The following TFDP2 variants were observed in gnomAD, a reference collection of about 807,000 sequenced individuals.
TFDP2 encodes the protein transcription factor Dp-2 (E2F dimerization partner 2).
In TFDP2, 17 loss-of-function variants were observed where a neutral mutation model predicts 59.3. The observed-to-expected ratio is 0.29, with a 90% CI of 0.20 to 0.43. The LOEUF (loss-of-function observed/expected upper bound fraction) is 0.43. Among genes scored for constraint, TFDP2 ranks in the 20% least tolerant of loss-of-function variants. TFDP2 has a pLI of 1.00. For synonymous variants in TFDP2, 180 were observed against 194.7 expected, an observed-to-expected ratio of 0.92 and a Z score of 0.63; for missense variants, 391 against 528.8, an observed-to-expected ratio of 0.74 and a Z score of 2.56.
chr3:142,060,574 T>G (rs1435397312), intron 3 of TFDP2, among the ~76,000 whole-genome samples: 1 of 152,136 alleles, frequency 6.6e-6, no homozygotes, highest in Non-Finnish European at 1.5e-5. Context: ...TTAGCAGCAT[T>G]CTGTATTTAT....
At chr3:142,010,677 C>T (rs531027217) in intron 3 of TFDP2, among the ~76,000 whole-genome samples, 135 of 149,734 alleles carry the variant, frequency 9.0e-4, no homozygotes, top group African/African-American at 2.9e-3. Context: ...AGAAAATTTT[C>T]GCAACCTACT....
Position 141,966,470 on chromosome 3 carries a change from CA to C in TFDP2, c.733-2508del, listed in dbSNP as rs574304894. 3.1e-3 allele frequency among the ~76,000 whole-genome samples: 468 copies of C among 151,884 alleles called. 21 individuals carry two copies. The highest frequency in any genetic ancestry group is 0.011 in the African/African-American group (455 of 41,254). On this transcript the variant is annotated intron_variant, in intron 9 of 12. Transcript: ENST00000489671. ...ACAGACATGAGCCACTGCACCTGGT[CA>C]TAATAATGTTTTTTTTAACACTGTC...
intron 3 of TFDP2, among the ~76,000 whole-genome samples, chr3:142,079,375 T>C (rs1380288045): frequency 6.6e-6 from 1 of 151,982 alleles, no homozygotes; most frequent in Non-Finnish European, 1.5e-5. Context: ...GAAGCACACC[T>C]ACAAGATCTA....
Position 142,131,362 on chromosome 3 carries a change from C to CAAGACAATTTT in TFDP2, c.-93+17810_-93+17820dup, listed in dbSNP as rs1305065021. ...AGAAACTAAGAAATCCACAATCATACAAGACAATTTTAATACACACCTCTC... is the reference window on the plus strand; with the variant it reads ...AGAAACTAAGAAATCCACAATCATACAAGACAATTTTAAGACAATTTTAATACACACCTCTC... On this transcript the variant is annotated intron_variant, in intron 1 of 12. Transcript: ENST00000489671. 1.3e-4 allele frequency among the ~76,000 whole-genome samples: 20 copies of CAAGACAATTTT among 149,972 alleles called. 2 individuals carry two copies. Among genetic ancestry groups the CAAGACAATTTT allele is most frequent in the African/African-American group, 4.8e-4 (19 of 39,560 alleles).
intron 11 of TFDP2, among the ~76,000 whole-genome samples, chr3:141,959,383 C>T (rs1937080477): frequency 6.6e-6 from 1 of 152,126 alleles, no homozygotes; most frequent in Admixed American, 6.6e-5. Flanking sequence ...AGGCTCTAAG[C>T]TAGGTACTGG....
At chr3:141,967,130 T>C (rs542525046) in intron 9 of TFDP2, among the ~76,000 whole-genome samples, 2 of 151,768 alleles carry the variant, frequency 1.3e-5, no homozygotes, top group Non-Finnish European at 2.9e-5. Context: ...TTTGTCAGGC[T>C]GGTCTCAAAC....
At position 141,945,815 on chromosome 3, in the gene TFDP2, G is replaced by A. The variant is rs1347656354; in HGVS notation, c.*6698C>T. ...AAGGGATGAGTTTTTAAATCCAAAC[G>A]TGATCTGGGGAATTTTCCGTTATGA... On this transcript the variant is annotated 3_prime_UTR_variant, in exon 13 of 13. Coordinates refer to ENST00000489671, the MANE Select transcript of TFDP2 (RefSeq NM_001178139.2). 4 of 152,234 alleles carry A rather than the reference G, an allele frequency of 2.6e-5. No homozygotes were observed. The highest frequency in any genetic ancestry group is 6.5e-5 in the Admixed American group (1 of 15,282). The allele number at this position is 152,234 out of a possible 1,614,324, so 9.4% of individuals were successfully genotyped here. A position where few individuals can be genotyped will look rare whatever the true frequency, so the allele number is the denominator to read the frequency against.
chr3:141,961,970 C>T (rs11569268), intron 10 of TFDP2, among the ~76,000 whole-genome samples: 1,701 of 151,972 alleles, frequency 0.011, 25 homozygotes, highest in African/African-American at 0.032. Context: ...TTGGGGGGGA[C>T]GGAGTTTTGC....
chr3:142,042,831 C>T (rs1258208021), intron 3 of TFDP2, among the ~76,000 whole-genome samples: 2 of 148,104 alleles, frequency 1.4e-5, no homozygotes, highest in Non-Finnish European at 3.0e-5. Context: ...CCTCTGCCTC[C>T]CGGGTTCAAG....
At chr3:141,969,464 C>T (rs1456485411) in intron 9 of TFDP2, among the ~76,000 whole-genome samples, 2 of 150,958 alleles carry the variant, frequency 1.3e-5, no homozygotes, top group Admixed American at 1.3e-4. Context: ...TACGAAAAAA[C>T]TAGCCAGGCA....
Position 141,982,191 on chromosome 3 carries a change from C to T in TFDP2, c.357-3509G>A, listed in dbSNP as rs11569219. ...AGTGATTTTTATATTTAATTACACA[C>T]TGAAATACAATATTTTGGATATATT... On this transcript the variant is annotated intron_variant, in intron 6 of 12. Coordinates refer to ENST00000489671, the MANE Select transcript of TFDP2 (RefSeq NM_001178139.2). 9.3e-4 allele frequency among the ~76,000 whole-genome samples: 141 copies of T among 152,012 alleles called. 3 individuals are homozygous for T. In the South Asian group the frequency reaches 0.029, roughly 31 times the overall value.
At chr3:142,135,241 G>A (rs773141997) in intron 1 of TFDP2, among the ~76,000 whole-genome samples, 2 of 152,028 alleles carry the variant, frequency 1.3e-5, no homozygotes, top group Non-Finnish European at 2.9e-5. Context: ...AAGTAGCTGG[G>A]ACTATAGGCT....
intron 1 of TFDP2, chr3:142,126,112 C>T (rs1226504757): frequency 6.6e-6 from 1 of 151,938 alleles, no homozygotes; most frequent in East Asian, 1.9e-4. Flanking sequence ...ACACCAAATC[C>T]ACTAAATCTG....
At chr3:142,107,692 T>A (rs916918532) in intron 1 of TFDP2, among the ~76,000 whole-genome samples, 2 of 152,046 alleles carry the variant, frequency 1.3e-5, no homozygotes, top group East Asian at 3.9e-4. Flanking sequence ...GACAAAACAG[T>A]TTTAGAGAGT....
chr3:141,985,211 A>G (rs907116220), intron 6 of TFDP2, among the ~76,000 whole-genome samples: 8 of 152,150 alleles, frequency 5.3e-5, no homozygotes, highest in African/African-American at 1.9e-4. Context: ...TAACTGTAAA[A>G]ATGTTATAAA....
intron 3 of TFDP2, among the ~76,000 whole-genome samples, chr3:142,054,614 T>C (rs1012142752): frequency 1.3e-5 from 2 of 152,218 alleles, no homozygotes; most frequent in African/African-American, 4.8e-5. Context: ...GGTTTCATAA[T>C]TCTCATCCAC....
Position 141,945,756 on chromosome 3 carries a change from GGTAA to G in TFDP2, c.*6753_*6756del, listed in dbSNP as rs1358367865. 1 of 152,236 alleles carries G rather than the reference GGTAA, an allele frequency of 6.6e-6. No individual in the cohort carries two copies. The highest frequency in any genetic ancestry group is 1.5e-5 in the Non-Finnish European group (1 of 68,050). 9.4% of individuals were successfully genotyped at this position (152,236 alleles called of 1,614,324 possible). A position where few individuals can be genotyped will look rare whatever the true frequency, so the allele number is the denominator to read the frequency against. ...ATGAAGCTCGGCCATGGTGAAGTAT[GGTAA>G]GTGACAAATGGCATGCATTGAAGCA... On this transcript the variant is annotated 3_prime_UTR_variant, in exon 13 of 13. Coordinates refer to ENST00000489671, the MANE Select transcript of TFDP2 (RefSeq NM_001178139.2).
chr3:141,984,504 T>A (rs977281743), intron 6 of TFDP2, among the ~76,000 whole-genome samples: 5 of 151,454 alleles, frequency 3.3e-5, no homozygotes, highest in African/African-American at 1.2e-4. Context: ...AAAAAAAAAA[T>A]AAAAAGATAT....
At chr3:142,043,614 G>A (rs1947141189) in intron 3 of TFDP2, 1 of 842,010 alleles carries the variant, frequency 1.2e-6, no homozygotes, top group East Asian at 2.4e-5. Flanking sequence ...ACAGACAAAG[G>A]GGGAGCTTTT....
Sources: allele counts gnomAD v4.1 joint callset (sites outside exome capture counted in the v4.1 genomes callset), GRCh38; gene constraint gnomAD v4.1.1; transcripts MANE v1.5; gene names NCBI Gene and HGNC (gene_info 2026-07-23, HGNC 2026-07-21).